The following TRPC4 variants were observed in gnomAD, a reference collection of about 807,000 sequenced individuals.
TRPC4 encodes the protein transient receptor potential cation channel subfamily C member 4, also known as short transient receptor potential channel 4.
TRPC4 carries 49 observed loss-of-function variants against 99.4 expected under a neutral mutation model. That is an observed-to-expected ratio of 0.49 (90% CI 0.39 to 0.63). The LOEUF is 0.63. Among genes scored for constraint, TRPC4 ranks in the 20% least tolerant of loss-of-function variants. The pLI, the probability that TRPC4 is intolerant of heterozygous loss-of-function variation, is 0.00. For missense variants in TRPC4, 898 were observed against 1,152.9 expected (o/e 0.78, Z 3.20); for synonymous variants, 454 against 425.9 (o/e 1.07, Z -0.81).
chr13:37,863,263 G>C (rs1028372870), intron 1 of TRPC4, among the ~76,000 whole-genome samples: 1 of 151,510 alleles, frequency 6.6e-6, no homozygotes, highest in Non-Finnish European at 1.5e-5. Flanking sequence ...GATCTTCCAA[G>C]TCATTCATTG....
Position 37,829,615 on chromosome 13 carries a change from C to T in TRPC4, c.-28+39980G>A, listed in dbSNP as rs1023093578. 5.9e-5 allele frequency among the ~76,000 whole-genome samples: 9 copies of T among 152,294 alleles called. No individual in the cohort carries two copies. The South Asian group carries it at 1.0e-3, about 18-fold the overall frequency. On this transcript the variant is annotated intron_variant, in intron 1 of 10. Transcript: ENST00000379705. The stretch of plus-strand genomic sequence containing the variant: ...CTCAAAAAAATTAAACATAGAATTA[C>T]CACATGACCCAGCAATTCTACTTCT...
chr13:37,703,817 T>A (rs1954180959), intron 3 of TRPC4, among the ~76,000 whole-genome samples: 1 of 152,160 alleles, frequency 6.6e-6, no homozygotes, highest in South Asian at 2.1e-4. Flanking sequence ...CAATGATACA[T>A]CCATTCTTAC....
At chr13:37,781,451 A>C (rs938561382) in intron 2 of TRPC4, among the ~76,000 whole-genome samples, 1 of 152,048 alleles carries the variant, frequency 6.6e-6, no homozygotes, top group Non-Finnish European at 1.5e-5. Flanking sequence ...GTAGCACCTA[A>C]ACTTACACAG....
intron 2 of TRPC4, among the ~76,000 whole-genome samples, chr13:37,768,672 G>A (rs5802896): frequency 0.79 from 107,892 of 136,716 alleles, 39,602 homozygotes; most frequent in East Asian, 0.82. Flanking sequence ...GAACACACAC[G>A]CACACACACA....
At chr13:37,848,794 TA>T (rs1958979658) in intron 1 of TRPC4, among the ~76,000 whole-genome samples, 1 of 152,274 alleles carries the variant, frequency 6.6e-6, no homozygotes, top group African/African-American at 2.4e-5. Flanking sequence ...CTGTCAAATA[TA>T]AAAGGTATGT....
At chr13:37,855,635 CAAAACAAGTCTT>C (rs147631592) in intron 1 of TRPC4, among the ~76,000 whole-genome samples, 21,469 of 151,518 alleles carry the variant, frequency 0.14, 1,743 homozygotes, top group Non-Finnish European at 0.18. Context: ...AGTTAAGTCA[CAAAACAAGTCTT>C]AAAACATTCA....
In TRPC4 at chr13:37,672,219, T is replaced by C. The variant is rs143774830; in HGVS notation, c.1374+2009A>G. ...CTCACTACGTACCAGAGTTCTTATA[T>C]ATGAAAAAATACATGTACTATACAT... On this transcript the variant is annotated intron_variant, in intron 5 of 10. Coordinates refer to ENST00000379705, the MANE Select transcript of TRPC4 (RefSeq NM_016179.4). Among the ~76,000 whole-genome samples, 1,427 of 152,294 alleles carry C rather than the reference T, an allele frequency of 9.4e-3. 25 individuals are homozygous for C. The highest frequency in any genetic ancestry group is 0.033 in the African/African-American group (1,369 of 41,556).
At chr13:37,838,502 T>G (rs1222995780) in intron 1 of TRPC4, among the ~76,000 whole-genome samples, 4 of 152,220 alleles carry the variant, frequency 2.6e-5, no homozygotes, top group Non-Finnish European at 5.9e-5. Flanking sequence ...TAAGTGATCT[T>G]GTTCACACAG....
chr13:37,640,234 T>C (rs1222259686), intron 8 of TRPC4, among the ~76,000 whole-genome samples: 1 of 152,074 alleles, frequency 6.6e-6, no homozygotes, highest in East Asian at 1.9e-4. Flanking sequence ...GCAAAAGGGA[T>C]GATATACCTT....
chr13:37,849,415 T>G (rs79584038), intron 1 of TRPC4, among the ~76,000 whole-genome samples: 10,532 of 152,160 alleles, frequency 0.069, 500 homozygotes, highest in Non-Finnish European at 0.11. Context: ...ATAAACTCCT[T>G]CCCATGGTGG....
intron 5 of TRPC4, among the ~76,000 whole-genome samples, chr13:37,668,224 A>C (rs926500270): frequency 2.6e-5 from 4 of 152,106 alleles, no homozygotes; most frequent in Non-Finnish European, 5.9e-5. Flanking sequence ...GTCTGTATGT[A>C]CCCTAGTTTG....
intron 1 of TRPC4, among the ~76,000 whole-genome samples, chr13:37,856,165 A>T (rs1472866386): frequency 6.6e-6 from 1 of 151,790 alleles, no homozygotes; most frequent in Non-Finnish European, 1.5e-5. Context: ...AAATAAATGT[A>T]TTTAGAAATG....
At chr13:37,774,928 GACTT>G (rs1479790419) in intron 2 of TRPC4, among the ~76,000 whole-genome samples, 2 of 150,036 alleles carry the variant, frequency 1.3e-5, no homozygotes, top group Non-Finnish European at 3.0e-5. Flanking sequence ...GTGTTTATAT[GACTT>G]ACTATTATTC....
In TRPC4 at chr13:37,715,724, A is replaced by G. The variant is rs142484562; in HGVS notation, c.898-23389T>C. On this transcript the variant is annotated intron_variant, in intron 3 of 10. Transcript: ENST00000379705. ...ACCGCATCCGACCTCATAAGGAATTATTACTCACTAGATCATAACATCATA... is the reference window on the plus strand; with the variant it reads ...ACCGCATCCGACCTCATAAGGAATTGTTACTCACTAGATCATAACATCATA... 2.3e-3 allele frequency among the ~76,000 whole-genome samples: 356 copies of G among 152,310 alleles called. 2 individuals carry two copies. Among genetic ancestry groups the G allele is most frequent in the African/African-American group, 8.2e-3 (340 of 41,564 alleles).
intron 3 of TRPC4, among the ~76,000 whole-genome samples, chr13:37,702,715 C>G (rs892727103): frequency 6.6e-6 from 1 of 151,970 alleles, no homozygotes; most frequent in Non-Finnish European, 1.5e-5. Context: ...TATCAATAAC[C>G]TTATGAAATG....
chr13:37,657,060 T>G (rs190380448), intron 6 of TRPC4, among the ~76,000 whole-genome samples: 2 of 152,358 alleles, frequency 1.3e-5, no homozygotes, highest in East Asian at 3.9e-4. Context: ...TATGCCTAAT[T>G]GGCATTCAGG....
At position 37,746,379 on chromosome 13, in the gene TRPC4, G is replaced by T. The variant is rs1452272823; in HGVS notation, c.455C>A (p.Thr152Lys). 2 of 1,613,158 alleles carry T rather than the reference G, an allele frequency of 1.2e-6. No individual in the cohort carries two copies. Among genetic ancestry groups the T allele is most frequent in the Admixed American group, 3.3e-5 (2 of 59,940 alleles). ...DITPIILAAH[T>K]NNYEIIKLLV... ...GAGTTTTATTATCTCATAATTATTT[G>T]TATGGGCTGCCAAAATGATTGGTGT... The change falls in exon 3 of 11, where the codon ACA becomes AAA. Residue 152 changes from threonine (T) to lysine (K), a missense_variant. This residue lies in a region of TRPC4 where 278 missense variants were observed against 346.6 expected (regional missense o/e 0.80). Transcript: ENST00000379705.
intron 3 of TRPC4, among the ~76,000 whole-genome samples, chr13:37,700,013 C>T (rs1309059590): frequency 1.3e-5 from 2 of 152,010 alleles, no homozygotes; most frequent in African/African-American, 2.4e-5. Flanking sequence ...CAAACAAAAC[C>T]CAATTTAGGT....
intron 4 of TRPC4, among the ~76,000 whole-genome samples, chr13:37,683,406 G>A (rs1953327828): frequency 6.6e-6 from 1 of 152,118 alleles, no homozygotes; most frequent in South Asian, 2.1e-4. Context: ...AGAAGAAAAG[G>A]CTGGGTTTGA....
Sources: gnomAD v4.1 joint callset for allele counts (sites outside exome capture counted in the v4.1 genomes callset) on GRCh38, gnomAD v4.1.1 for gene constraint, gnomAD v4.1.1 regional missense constraint, MANE v1.5 for transcripts, NCBI Gene and HGNC (gene_info 2026-07-23, HGNC 2026-07-21) for gene names.